The following ZMYND8 variants were observed in gnomAD, a reference collection of about 807,000 sequenced individuals.
The protein encoded by ZMYND8 is zinc finger MYND-type containing 8, also known as MYND-type zinc finger-containing chromatin reader ZMYND8.
Under a neutral mutation model 140.8 loss-of-function variants are expected in ZMYND8, and 37 were observed. The ratio of observed to expected loss-of-function variants is 0.26; its 90% CI spans 0.20 to 0.35. The LOEUF (loss-of-function observed/expected upper bound fraction) is 0.35, where lower values mean the gene tolerates loss of function less well. Among genes scored for constraint, ZMYND8 ranks in the 10% least tolerant of loss-of-function variants. ZMYND8 has a pLI of 1.00. For missense variants in ZMYND8, 1,068 were observed against 1,570.0 expected (o/e 0.68, Z 5.40); for synonymous variants, 592 against 597.1 (o/e 0.99, Z 0.12).
At chr20:47,351,945 T>G in intron 1 of ZMYND8, 1 of 985,382 alleles carries the variant, frequency 1.0e-6, no homozygotes, top group Non-Finnish European at 1.2e-6. Flanking sequence ...TAAAAAAAAC[T>G]CTGCAATGAC....
chr20:47,335,428 C>T (rs546799222), intron 2 of ZMYND8, among the ~76,000 whole-genome samples: 1 of 152,008 alleles, frequency 6.6e-6, no homozygotes, highest in Admixed American at 6.6e-5. Context: ...CTCACCCCCC[C>T]ACAGCCATGA....
intron 12 of ZMYND8, 107 bp downstream of exon 12, chr20:47,262,181 T>G (rs958144441): frequency 6.1e-5 from 91 of 1,496,552 alleles, no homozygotes; most frequent in Middle Eastern, 1.9e-4. Context: ...ATTTTTTGCA[T>G]AGAGAAAAGA....
At position 47,282,221 on chromosome 20, in the gene ZMYND8, G is replaced by A. The variant is rs1601574215; in HGVS notation, c.883-4C>T. 1 of 1,609,702 alleles carries A rather than the reference G, an allele frequency of 6.2e-7. No individual in the cohort carries two copies. Among genetic ancestry groups the A allele is most frequent in the Non-Finnish European group, 8.5e-7 (1 of 1,178,656 alleles). On this transcript the variant is annotated splice_polypyrimidine_tract_variant and splice_region_variant and intron_variant, in intron 9 of 22. Transcript: ENST00000471951. ...AGACCAAAGGATGTGGATTGCTCTA[G>A]GAAAAGAAAAACAAGATCCAGAGTT...
At chr20:47,250,231 A>G (rs568491894) in intron 12 of ZMYND8, among the ~76,000 whole-genome samples, 1 of 152,222 alleles carries the variant, frequency 6.6e-6, no homozygotes, top group South Asian at 2.1e-4. Flanking sequence ...CAGATTCCAA[A>G]GTCAGTGAGC....
At chr20:47,257,261 C>G (rs2074805553) in intron 12 of ZMYND8, among the ~76,000 whole-genome samples, 1 of 151,998 alleles carries the variant, frequency 6.6e-6, no homozygotes, top group Non-Finnish European at 1.5e-5. Flanking sequence ...AGTCATATAC[C>G]ATACACACAC....
chr20:47,277,882 A>G (rs529286552), intron 10 of ZMYND8, among the ~76,000 whole-genome samples: 1 of 152,194 alleles, frequency 6.6e-6, no homozygotes, highest in Non-Finnish European at 1.5e-5. Context: ...TATGTTAGCC[A>G]GGCTGGTCTT....
At chr20:47,276,174 T>A (rs867915024) in intron 11 of ZMYND8, 140 bp downstream of exon 11, 4 of 1,230,788 alleles carry the variant, frequency 3.2e-6, no homozygotes, top group African/African-American at 1.5e-5. Flanking sequence ...CACTGGTGAC[T>A]TCTTGAAAAT....
chr20:47,239,501 G>T (rs1555899355), intron 14 of ZMYND8, among the ~76,000 whole-genome samples: 1 of 152,184 alleles, frequency 6.6e-6, no homozygotes, highest in Non-Finnish European at 1.5e-5. Context: ...CGCCCTTTTC[G>T]CAAAGTTAAA....
chr20:47,264,368 C>A (rs2075358592), intron 11 of ZMYND8, among the ~76,000 whole-genome samples: 1 of 152,142 alleles, frequency 6.6e-6, no homozygotes, highest in East Asian at 1.9e-4. Flanking sequence ...CCTCTGCCTC[C>A]TGGATTCAAG....
chr20:47,297,925 G>A (rs79901832), intron 4 of ZMYND8, among the ~76,000 whole-genome samples: 3,322 of 152,236 alleles, frequency 0.022, 120 homozygotes, highest in African/African-American at 0.076. Flanking sequence ...ACACTGCCCC[G>A]ACTACGCCCA....
At chr20:47,213,814 T>C (rs1172510612) in intron 21 of ZMYND8, among the ~76,000 whole-genome samples, 1 of 152,172 alleles carries the variant, frequency 6.6e-6, no homozygotes, top group Non-Finnish European at 1.5e-5. Flanking sequence ...AGTCAACAAA[T>C]AATATCTAAT....
intron 5 of ZMYND8, among the ~76,000 whole-genome samples, chr20:47,293,174 G>A (rs2077403552): frequency 3.2e-5 from 1 of 31,460 alleles, no homozygotes. Flanking sequence ...GAGGGAGGGA[G>A]GGAGGGAGGG....
rs374451471 is a variant in ZMYND8, at chr20:47,338,703, C to T, written c.85+9153G>A. ...GGCACGAGAGCTCAGTTTCACATAA[C>T]GACAACCACCCCAGAGAATCCTTGG... On this transcript the variant is annotated intron_variant, in intron 2 of 22. Transcript: ENST00000471951. 1.2e-4 allele frequency among the ~76,000 whole-genome samples: 18 copies of T among 152,256 alleles called. No homozygotes were observed. In the East Asian group the frequency reaches 2.5e-3, roughly 21 times the overall value.
intron 2 of ZMYND8, among the ~76,000 whole-genome samples, chr20:47,317,439 C>T: frequency 6.6e-6 from 1 of 151,710 alleles, no homozygotes; most frequent in East Asian, 1.9e-4. Context: ...TGAGTCACAG[C>T]ACATGCCGTT....
intron 3 of ZMYND8, 108 bp from the exon 4 acceptor site, chr20:47,299,055 C>A: frequency 9.3e-7 from 1 of 1,074,450 alleles, no homozygotes; most frequent in Non-Finnish European, 1.4e-6. Flanking sequence ...CAGCATTTCA[C>A]AAATTCATTA....
At chr20:47,283,452 T>C in intron 9 of ZMYND8, 119 bp downstream of exon 9, 1 of 1,020,174 alleles carries the variant, frequency 9.8e-7, no homozygotes, top group Non-Finnish European at 1.5e-6. Flanking sequence ...CAGCAAAAAA[T>C]TATCTTAAAA....
intron 21 of ZMYND8, among the ~76,000 whole-genome samples, chr20:47,213,333 C>T (rs893158976): frequency 5.9e-5 from 9 of 152,114 alleles, no homozygotes; most frequent in Admixed American, 5.2e-4. Flanking sequence ...ACAGCTGATA[C>T]CGTGAGAAGC....
chr20:47,341,053 A>G lies in ZMYND8; in HGVS notation c.85+6803T>C, dbSNP rs559281766. On this transcript the variant is annotated intron_variant, in intron 2 of 22. Coordinates refer to ENST00000471951, the MANE Select transcript of ZMYND8 (RefSeq NM_001281775.3). The stretch of plus-strand genomic sequence containing the variant: ...TAGTAAACAAACGGTGGACAGTAGA[A>G]GCCAGCCTTCTCACTGTTGGAGGAG... Among the ~76,000 whole-genome samples, 235 of 152,304 alleles carry G rather than the reference A, an allele frequency of 1.5e-3. 1 individual carries two copies. Among genetic ancestry groups the G allele is most frequent in the South Asian group, 2.9e-3 (14 of 4,822 alleles).
At position 47,210,124 on chromosome 20, in the gene ZMYND8, T is replaced by C. The variant is rs902836829; in HGVS notation, c.*637A>G. 2 of 152,694 alleles carry C rather than the reference T, an allele frequency of 1.3e-5. No individual in the cohort carries two copies. The highest frequency in any genetic ancestry group is 4.8e-5 in the African/African-American group (2 of 41,450). The allele number at this position is 152,694 out of a possible 1,614,324, so 9.5% of individuals were successfully genotyped here. On this transcript the variant is annotated 3_prime_UTR_variant, in exon 23 of 23. Transcript: ENST00000471951. ...CACATGAAAGAAACTAGCTTCTCCC[T>C]GTGTCCGTCTGGTCCGGAGAGCTTG...
Sources: allele counts gnomAD v4.1 joint callset (sites outside exome capture counted in the v4.1 genomes callset), GRCh38; gene constraint gnomAD v4.1.1; transcripts MANE v1.5; gene names NCBI Gene and HGNC (gene_info 2026-07-23, HGNC 2026-07-21).